The following SSBP3 variants were observed in gnomAD, a reference collection of about 807,000 sequenced individuals.
SSBP3 encodes single-stranded DNA-binding protein 3.
In SSBP3, 5 loss-of-function variants were observed where a neutral mutation model predicts 69.6. The ratio of observed to expected loss-of-function variants is 0.07; its 90% CI spans 0.04 to 0.15. SSBP3 has a LOEUF of 0.15. SSBP3 is among the 10% of genes least tolerant of loss of function. The pLI, the probability that SSBP3 is intolerant of heterozygous loss-of-function variation, is 1.00. For synonymous variants in SSBP3, 196 were observed against 193.4 expected (o/e 1.01, Z -0.11); for missense variants, 312 against 534.0 (o/e 0.58, Z 4.10).
chr1:54,305,709 T>C (rs1215726192), intron 4 of SSBP3, among the ~76,000 whole-genome samples: 2 of 151,758 alleles, frequency 1.3e-5, no homozygotes. Context: ...CCTCCCACCT[T>C]GGCCTCCCAA....
chr1:54,298,225 G>A (rs1306667667), intron 4 of SSBP3, among the ~76,000 whole-genome samples: 3 of 152,140 alleles, frequency 2.0e-5, no homozygotes, highest in Non-Finnish European at 2.9e-5. Context: ...GAAGAGCGCT[G>A]CCCTGCCCCA....
intron 2 of SSBP3, 47 bp downstream of exon 2, chr1:54,404,811 G>GT (rs779938724): frequency 1.0e-6 from 1 of 990,832 alleles, no homozygotes; most frequent in African/African-American, 1.8e-5. Flanking sequence ...AGAATAGTGG[G>GT]GGGGGGGGGT....
chr1:54,310,600 C>T (rs1008518942), intron 4 of SSBP3, among the ~76,000 whole-genome samples: 8 of 152,252 alleles, frequency 5.3e-5, no homozygotes, highest in African/African-American at 1.7e-4. Context: ...CCTCCCTCCC[C>T]CACCCTCACA....
At chr1:54,230,817 A>T (rs1644368267) in intron 14 of SSBP3, among the ~76,000 whole-genome samples, 1 of 152,228 alleles carries the variant, frequency 6.6e-6, no homozygotes, top group African/African-American at 2.4e-5. Flanking sequence ...TTCAAGGTTC[A>T]TCAGTGTTGT....
At chr1:54,403,532 T>C (rs1649456813) in intron 3 of SSBP3, among the ~76,000 whole-genome samples, 1 of 152,032 alleles carries the variant, frequency 6.6e-6, no homozygotes, top group Admixed American at 6.6e-5. Context: ...CACAAATGCC[T>C]CCAAGACCGG....
intron 4 of SSBP3, among the ~76,000 whole-genome samples, chr1:54,302,040 C>T (rs558960749): frequency 3.6e-4 from 52 of 142,994 alleles, no homozygotes; most frequent in African/African-American, 1.1e-3. Context: ...CTCCAGAGGG[C>T]GGCTGGGTGG....
intron 13 of SSBP3, among the ~76,000 whole-genome samples, chr1:54,240,098 GCGTGTGCGTGCGCGCGCGCGCGCAA>G (rs1279577679): frequency 0.096 from 1,456 of 15,138 alleles, 42 homozygotes; most frequent in Middle Eastern, 0.21. Context: ...GCGCGCGCGC[GCGTGTGCGTGCGCGCGCGCGCGCAA>G]CACATGCCCA....
At chr1:54,308,600 C>CAAAAAAA (rs397862361) in intron 4 of SSBP3, among the ~76,000 whole-genome samples, 2 of 101,140 alleles carry the variant, frequency 2.0e-5, no homozygotes, top group African/African-American at 7.2e-5. Context: ...GACTCCATCT[C>CAAAAAAA]AAAAAAAAAA....
At chr1:54,301,331 A>C (rs925040426) in intron 4 of SSBP3, among the ~76,000 whole-genome samples, 2 of 152,210 alleles carry the variant, frequency 1.3e-5, no homozygotes, top group African/African-American at 2.4e-5. Flanking sequence ...CAGCACGCCA[A>C]CTTTGGTTCA....
intron 4 of SSBP3, among the ~76,000 whole-genome samples, chr1:54,345,786 G>A (rs993028174): frequency 1.3e-5 from 2 of 152,040 alleles, no homozygotes; most frequent in African/African-American, 4.8e-5. Context: ...CGGGCAGATT[G>A]CCTGAGCTCA....
chr1:54,377,752 C>A lies in SSBP3; in HGVS notation c.276+24109G>T, dbSNP rs527429093. ...CAAACAACTTGGAGTGTTGGTGATA[C>A]GTCCTAGAAAGGTGGGTTAGAAGAT... On this transcript the variant is annotated intron_variant, in intron 4 of 17. Transcript: ENST00000610401. 2.2e-3 allele frequency among the ~76,000 whole-genome samples: 328 copies of A among 152,262 alleles called. 2 individuals are homozygous for A. Among genetic ancestry groups the A allele is most frequent in the Middle Eastern group, 6.8e-3 (2 of 294 alleles).
intron 5 of SSBP3, among the ~76,000 whole-genome samples, chr1:54,262,716 C>A (rs1022397309): frequency 2.6e-5 from 4 of 152,208 alleles, no homozygotes; most frequent in African/African-American, 9.7e-5. Flanking sequence ...AGGCCTGGTA[C>A]CCCCATGAGC....
intron 4 of SSBP3, among the ~76,000 whole-genome samples, chr1:54,363,233 G>C (rs1021934831): frequency 6.6e-6 from 1 of 152,068 alleles, no homozygotes; most frequent in Non-Finnish European, 1.5e-5. Context: ...TTTCAATCCA[G>C]AACTGCAAAC....
intron 9 of SSBP3, among the ~76,000 whole-genome samples, chr1:54,243,639 G>C (rs1383864461): frequency 6.6e-6 from 1 of 152,178 alleles, no homozygotes; most frequent in African/African-American, 2.4e-5. Flanking sequence ...AGGCGGGTAA[G>C]AGGGGATGGA....
At chr1:54,391,546 C>CA (rs2100768141) in intron 4 of SSBP3, among the ~76,000 whole-genome samples, 1 of 152,342 alleles carries the variant, frequency 6.6e-6, no homozygotes, top group South Asian at 2.1e-4. Context: ...CCCCCCTCTC[C>CA]ACTGCCTCCT....
chr1:54,225,538 T>A, exon 18 of SSBP3: 1 of 831,792 alleles, frequency 1.2e-6, no homozygotes, highest in Non-Finnish European at 1.6e-6. Flanking sequence ...AGAACCAGAC[T>A]ACAAGGTAAG....
chr1:54,258,584 C>G lies in SSBP3; in HGVS notation c.367-435G>C, dbSNP rs1057422503. Among the ~76,000 whole-genome samples the G allele has an allele frequency of 2.0e-5, 3 of 152,224 alleles. No homozygotes were observed. Among genetic ancestry groups the G allele is most frequent in the African/African-American group, 4.8e-5 (2 of 41,534 alleles). ...GAGGTGGGGAAAGATCGGGAAGGGC[C>G]CTGCCCTCAAGGAGCTCACAGTCTG... On this transcript the variant is annotated intron_variant, in intron 5 of 17. Transcript: ENST00000610401. This position sits in a 1 kb window ranked among gnomAD's most constrained non-coding sequence, Gnocchi z 4.5.
At chr1:54,235,461 T>C (rs1301589279) in intron 14 of SSBP3, among the ~76,000 whole-genome samples, 1 of 137,680 alleles carries the variant, frequency 7.3e-6, no homozygotes, top group Non-Finnish European at 1.6e-5. Flanking sequence ...TTTTTTTTTT[T>C]TTTTTTTTTT....
intron 4 of SSBP3, among the ~76,000 whole-genome samples, chr1:54,396,086 G>A (rs1648843015): frequency 6.6e-6 from 1 of 151,188 alleles, no homozygotes; most frequent in Admixed American, 6.6e-5. Flanking sequence ...CAGCTACTCA[G>A]GAGGCTGAGG....
Sources: allele counts gnomAD v4.1 joint callset (sites outside exome capture counted in the v4.1 genomes callset), GRCh38; gene constraint gnomAD v4.1.1; non-coding constraint Gnocchi (gnomAD v3.1); transcripts MANE v1.5; gene names NCBI Gene and HGNC (gene_info 2026-07-23, HGNC 2026-07-21).